The following CDHR5 variants were observed in gnomAD, a reference collection of about 807,000 sequenced individuals.
CDHR5 encodes the protein cadherin related family member 5, also known as cadherin-related family member 5.
In CDHR5, 82 loss-of-function variants were observed where a neutral mutation model predicts 69.5. That is an observed-to-expected ratio of 1.18 (90% confidence interval 0.99 to 1.42). The LOEUF (loss-of-function observed/expected upper bound fraction) is 1.42, where lower values mean the gene tolerates loss of function less well. Ranked by LOEUF, CDHR5 falls within the 40% of genes most tolerant of loss-of-function variation. The pLI is 0.00. For synonymous variants in CDHR5, 601 were observed against 510.2 expected (o/e 1.18, Z -2.40); for missense variants, 1,293 against 1,168.9 (o/e 1.11, Z -1.55).
intron 14 of CDHR5, 33 bp from the exon 15 acceptor site, chr11:617,803 C>T: frequency 6.9e-7 from 1 of 1,455,454 alleles, no homozygotes; most frequent in Non-Finnish European, 9.0e-7. Flanking sequence ...CAGCGGGGTC[C>T]CTGGGTCTCT....
At chr11:620,218 G>A in intron 8 of CDHR5, 54 bp from the exon 9 acceptor site, 2 of 1,586,618 alleles carry the variant, frequency 1.3e-6, no homozygotes, top group Non-Finnish European at 1.7e-6. Flanking sequence ...CAGGGACCCA[G>A]CCAGCTCTGC....
chr11:617,394 C>G lies in CDHR5; in HGVS notation c.2495G>C (p.Gly832Ala). Residue 832 changes from glycine (G) to alanine (A), a missense_variant, in exon 15 of 15, where the codon GGG (glycine) becomes GCG (alanine). Gly to Ala is a moderately conservative substitution (Grantham distance 60). Transcript: ENST00000397542. Reference sequence around the variant, plus strand: ...ACCACCGGGCGCATCGTAGGGACCCCCACCCCTCCCCGCGCCCTCGCCCTC... The same window carrying G: ...ACCACCGGGCGCATCGTAGGGACCCGCACCCCTCCCCGCGCCCTCGCCCTC... ...GDEGEGAGRG[G>A]GPYDAPGGDD... The G allele has an allele frequency of 6.2e-7, 1 of 1,610,414 alleles. No homozygotes were observed. Among genetic ancestry groups the G allele is most frequent in the Non-Finnish European group, 8.5e-7 (1 of 1,178,494 alleles).
chr11:616,943 T>G lies in CDHR5; in HGVS notation c.*408A>C. The G allele has an allele frequency of 9.2e-6, 2 of 218,126 alleles. No homozygotes were observed. The highest frequency in any genetic ancestry group is 1.9e-5 in the Non-Finnish European group (2 of 108,022). 13.5% of individuals were successfully genotyped at this position (218,126 alleles called of 1,614,324 possible). A position where few individuals can be genotyped will look rare whatever the true frequency, so the allele number is the denominator to read the frequency against. Reference sequence around the variant, plus strand: ...CCTCAGCCTCCCCAGGCAATCTCTGTGTAGGGTCGGGAGCGGGAGGTCTGA... The same window carrying G: ...CCTCAGCCTCCCCAGGCAATCTCTGGGTAGGGTCGGGAGCGGGAGGTCTGA... On this transcript the variant is annotated 3_prime_UTR_variant, in exon 15 of 15. Transcript: ENST00000397542.
At chr11:617,800 G>T in intron 14 of CDHR5, 30 bp from the exon 15 acceptor site, 1 of 1,451,050 alleles carries the variant, frequency 6.9e-7, no homozygotes. Flanking sequence ...CGTCAGCGGG[G>T]TCCCTGGGTC....
At position 619,607 on chromosome 11, in the gene CDHR5, G is replaced by C. The variant is rs1271586232; in HGVS notation, c.1180-20C>G. The stretch of plus-strand genomic sequence containing the variant: ...GAGGTCCTGGACAGGGTCTCATTGA[G>C]TCCCCGGCCAGGCTGCCTCCCACGT... On this transcript the variant is annotated intron_variant, in intron 10 of 14. Transcript: ENST00000397542. 2 of 1,609,762 alleles carry C rather than the reference G, an allele frequency of 1.2e-6. No individual in the cohort carries two copies. Among genetic ancestry groups the C allele is most frequent in the Non-Finnish European group, 1.7e-6 (2 of 1,176,254 alleles).
Position 619,197 on chromosome 11 carries a change from G to C in CDHR5, c.1379-17C>G. ...GGGGGACATCTGGGGGCCGGGAACA[G>C]TGCTTGGGCTTGCCTCTGCCCGCCC... On this transcript the variant is annotated splice_polypyrimidine_tract_variant and intron_variant, in intron 12 of 14. Transcript: ENST00000397542. 1 of 1,508,140 alleles carries C rather than the reference G, an allele frequency of 6.6e-7. No homozygotes were observed. Among genetic ancestry groups the C allele is most frequent in the Non-Finnish European group, 9.0e-7 (1 of 1,113,968 alleles). 93.4% of individuals were successfully genotyped at this position (1,508,140 alleles called of 1,614,324 possible).
chr11:624,715 C>A lies in CDHR5; in HGVS notation c.103G>T (p.Asp35Tyr), dbSNP rs140387332. ...GTGTTCTCCTCTACTTCAAAGATGT[C>A]CTTGTTCACAGAGCAGTCTGTAAGG... ...AQAQYCSVNK[D>Y]IFEVEENTNV... The change falls in exon 2 of 15, where the codon GAC (aspartate) becomes TAC (tyrosine). Residue 35 changes from aspartate (D) to tyrosine (Y), a missense_variant. By Grantham distance (160) the Asp-to-Tyr change is radical (BLOSUM62 -3). Transcript: ENST00000397542. This position sits in a 1 kb window ranked among gnomAD's most constrained non-coding sequence, Gnocchi z 5.3. 15 of 1,609,520 alleles carry A rather than the reference C, an allele frequency of 9.3e-6. No homozygotes were observed. In the African/African-American group the frequency reaches 1.9e-4, roughly 20 times the overall value.
In CDHR5 at chr11:624,517, C is replaced by T; in HGVS notation, c.261+40G>A. ...GTGGCCTGAGGATGCAGGTGCCCTT[C>T]TCCCGGGACCCCCATATCCCGCCCG... is the stretch of plus-strand genomic sequence containing the variant. On this transcript the variant is annotated intron_variant, in intron 2 of 14. Coordinates refer to ENST00000397542, the MANE Select transcript of CDHR5 (RefSeq NM_021924.5). This position sits in a 1 kb window ranked among gnomAD's most constrained non-coding sequence, Gnocchi z 5.3. 6.2e-7 allele frequency: 1 copy of T among 1,602,196 alleles called. No individual in the cohort carries two copies. The highest frequency in any genetic ancestry group is 1.1e-5 in the South Asian group (1 of 90,718).
chr11:621,448 C>G lies in CDHR5; in HGVS notation c.515G>C (p.Ser172Thr). The G allele has an allele frequency of 6.2e-7, 1 of 1,612,338 alleles. No homozygotes were observed. Among genetic ancestry groups the G allele is most frequent in the Non-Finnish European group, 8.5e-7 (1 of 1,179,360 alleles). ...TACACTCACCAGGGAGAAGTAGTCA[C>G]TGGCACCCTGGGGAGGGTCAGGGAG... Reference protein sequence around the residue: ...YTLQEMTAGASDYFSLVSVNR... With the variant: ...YTLQEMTAGATDYFSLVSVNR... The change falls in exon 6 of 15, where the codon AGT becomes ACT. Residue 172 changes from serine to threonine, a missense_variant. Physicochemically the swap from Ser to Thr is moderately conservative, Grantham distance 58. Transcript: ENST00000397542. This position sits in a 1 kb window ranked among gnomAD's most constrained non-coding sequence, Gnocchi z 4.4.
chr11:617,578 G>C lies in CDHR5; in HGVS notation c.2311C>G (p.Pro771Ala). ...PPAAARAGGS[P>A]TAVRSILTKE... Reference sequence around the variant, plus strand: ...GTCAGGATGGACCTCACCGCCGTGGGGCTTCCGCCAGCTCGGGCCGCTGCG... The same window carrying C: ...GTCAGGATGGACCTCACCGCCGTGGCGCTTCCGCCAGCTCGGGCCGCTGCG... The change falls in exon 15 of 15, where the codon CCC (proline) becomes GCC (alanine). Residue 771 changes from proline to alanine, a missense_variant. Transcript: ENST00000397542. 1 of 1,611,392 alleles carries C rather than the reference G, an allele frequency of 6.2e-7. No individual in the cohort carries two copies. Among genetic ancestry groups the C allele is most frequent in the South Asian group, 1.1e-5 (1 of 91,024 alleles).
chr11:621,881 C>T lies in CDHR5; in HGVS notation c.336G>A (p.Val112=). Reference sequence around the variant, plus strand: ...CATTGTCATTGACGTCCAGCACTGACACGAACACCCTTAGCTGGGTCACCT... The same window carrying T: ...CATTGTCATTGACGTCCAGCACTGATACGAACACCCTTAGCTGGGTCACCT... The part of the protein sequence containing the change: ...GTLVTQLRVF[V]SVLDVNDNAP... Residue 112 remains valine (V), a synonymous_variant, in exon 4 of 15, where the codon GTG becomes GTA. Transcript: ENST00000397542. This position sits in a 1 kb window ranked among gnomAD's most constrained non-coding sequence, Gnocchi z 4.4. The T allele has an allele frequency of 3.1e-6, 5 of 1,613,554 alleles. No individual in the cohort carries two copies. Among genetic ancestry groups the T allele is most frequent in the Non-Finnish European group, 4.2e-6 (5 of 1,179,822 alleles).
In CDHR5 at chr11:617,153, A is replaced by G. The variant is rs1052026267; in HGVS notation, c.*198T>C. On this transcript the variant is annotated 3_prime_UTR_variant, in exon 15 of 15. Transcript: ENST00000397542. Reference sequence around the variant, plus strand: ...GGGTGGGGACAGCGTGGCCAGACCCACCGCCTCATCTGCACACCTGGGCTC... The same window carrying G: ...GGGTGGGGACAGCGTGGCCAGACCCGCCGCCTCATCTGCACACCTGGGCTC... 2 of 591,454 alleles carry G rather than the reference A, an allele frequency of 3.4e-6. No homozygotes were observed. The highest frequency in any genetic ancestry group is 6.1e-6 in the Non-Finnish European group (2 of 328,922). 36.6% of individuals were successfully genotyped at this position (591,454 alleles called of 1,614,324 possible).
rs769400800 is a variant in CDHR5 at position 619,203 on chromosome 11, G to A, written c.1379-23C>T. ...CATCTGGGGGCCGGGAACAGTGCTT[G>A]GGCTTGCCTCTGCCCGCCCCTTGCA... On this transcript the variant is annotated intron_variant, in intron 12 of 14. Coordinates refer to ENST00000397542, the MANE Select transcript of CDHR5 (RefSeq NM_021924.5). 4.7e-6 allele frequency: 7 copies of A among 1,494,836 alleles called. No individual in the cohort carries two copies. The Admixed American group carries it at 1.2e-4, about 26-fold the overall frequency. The allele number at this position is 1,494,836 out of a possible 1,614,324, so 92.6% of individuals were successfully genotyped here.
rs201317864 is a variant in CDHR5, at chr11:621,782, G to A, written c.405+30C>T. On this transcript the variant is annotated intron_variant, in intron 4 of 14. Transcript: ENST00000397542. This position sits in a 1 kb window ranked among gnomAD's most constrained non-coding sequence, Gnocchi z 4.4. ...TCACCCTGGGCTCCCACACCCCCGT[G>A]CCCAGTCCCCGCGGCTTCGCTGGCC... is the stretch of plus-strand genomic sequence containing the variant. The A allele has an allele frequency of 4.8e-4, 766 of 1,595,204 alleles. 9 individuals are homozygous for A. The Admixed American group carries it at 0.012, about 25-fold the overall frequency.
rs747136350 is a variant in CDHR5 at position 624,277 on chromosome 11, C to T, written c.262-14G>A. On this transcript the variant is annotated splice_polypyrimidine_tract_variant and intron_variant, in intron 2 of 14. Transcript: ENST00000397542. The surrounding 1 kb of genome is among the most constrained non-coding windows in gnomAD (Gnocchi z 5.3). Reference sequence around the variant, plus strand: ...CAGTGACTTCTCCTGTGGATGTAGACAGGTCTGCAGTCACCGTCCTGCCCC... The same window carrying T: ...CAGTGACTTCTCCTGTGGATGTAGATAGGTCTGCAGTCACCGTCCTGCCCC... The T allele has an allele frequency of 2.6e-6, 2 of 764,288 alleles. No individual in the cohort carries two copies. Among genetic ancestry groups the T allele is most frequent in the Non-Finnish European group, 4.9e-6 (2 of 410,616 alleles). The allele number at this position is 764,288 out of a possible 1,614,324, so 47.3% of individuals were successfully genotyped here.
Position 618,005 on chromosome 11 carries a change from A to C in CDHR5, c.2067T>G (p.Leu689=). The C allele has an allele frequency of 6.2e-7, 1 of 1,612,316 alleles. No homozygotes were observed. The highest frequency in any genetic ancestry group is 8.5e-7 in the Non-Finnish European group (1 of 1,179,808). ...GCCGGGGGCCATAGTGCTTGTGGAC[A>C]AGGACGGCGAGGCCAAGGAGAGCCA... The part of the protein sequence containing the change: ...LLLALLGLAV[L]VHKHYGPRLK... The change falls in exon 14 of 15, where the codon CTT becomes CTG. Residue 689 remains leucine, a synonymous_variant. Transcript: ENST00000397542.
chr11:620,370 A>G lies in CDHR5; in HGVS notation c.806T>C (p.Leu269Pro), dbSNP rs1469463203. 2.5e-6 allele frequency: 4 copies of G among 1,608,404 alleles called. No homozygotes were observed. The highest frequency in any genetic ancestry group is 3.4e-6 in the Non-Finnish European group (4 of 1,176,450). The change falls in exon 8 of 15, where the codon CTG becomes CCG. Residue 269 changes from leucine to proline, a missense_variant. Coordinates refer to ENST00000397542, the MANE Select transcript of CDHR5 (RefSeq NM_021924.5). ...CTCAGCGTAGATGGGTCCGGGACGC[A>G]GGACGAGGGGAGATGGCTTCAGGGA... ...TGHILPSPLV[L>P]RPGPIYAEDG...
Position 618,120 on chromosome 11 carries a change from G to T in CDHR5, c.1961-9C>A, listed in dbSNP as rs202090646. On this transcript the variant is annotated splice_polypyrimidine_tract_variant and intron_variant, in intron 13 of 14. Transcript: ENST00000397542. Reference sequence around the variant, plus strand: ...CTCCGAGGGGCCGCCACCTGGCATCGCAGTGGAAAACGTCATCATCCCCGC... The same window carrying T: ...CTCCGAGGGGCCGCCACCTGGCATCTCAGTGGAAAACGTCATCATCCCCGC... 2 of 1,602,378 alleles carry T rather than the reference G, an allele frequency of 1.2e-6. No individual in the cohort carries two copies. The highest frequency in any genetic ancestry group is 1.7e-5 in the Admixed American group (1 of 58,720).
rs747161805 is a variant in CDHR5 at position 618,895 on chromosome 11, A to C, written c.1664T>G (p.Val555Gly). ...TGGTTGGTGGGAGGTGCTGGTTCCC[A>C]CACCGGGGGGCATCGGCTGAGAGGT... ...PGTSQPMPPG[V>G]GTSTSHQPAT... is the part of the protein sequence containing the mutation. Residue 555 changes from valine (V) to glycine (G), a missense_variant, in exon 13 of 15, where the codon GTG (valine) becomes GGG (glycine). Physicochemically the swap from Val to Gly is moderately radical, Grantham distance 109. Coordinates refer to ENST00000397542, the MANE Select transcript of CDHR5 (RefSeq NM_021924.5). 1 of 1,580,990 alleles carries C rather than the reference A, an allele frequency of 6.3e-7. No homozygotes were observed. Among genetic ancestry groups the C allele is most frequent in the Non-Finnish European group, 8.6e-7 (1 of 1,167,138 alleles).
Sources: allele counts gnomAD v4.1 joint callset, GRCh38; gene constraint gnomAD v4.1.1; non-coding constraint Gnocchi (gnomAD v3.1); transcripts MANE v1.5; gene names NCBI Gene and HGNC (gene_info 2026-07-23, HGNC 2026-07-21).